SUFU: variants seen among roughly 807,000 people sequenced by gnomAD.
SUFU encodes suppressor of fused homolog.
SUFU carries 7 observed loss-of-function variants against 58.9 expected under a neutral mutation model. The ratio of observed to expected loss-of-function variants is 0.12; its 90% confidence interval spans 0.07 to 0.22. The LOEUF (loss-of-function observed/expected upper bound fraction) is 0.22. Ranked by LOEUF, SUFU falls within the 10% of genes least tolerant of loss-of-function variation. The pLI is 1.00. For synonymous variants in SUFU, 232 were observed against 254.8 expected (o/e 0.91, Z 0.85); for missense variants, 451 against 641.3 (o/e 0.70, Z 3.20).
chr10:102,607,931 G>GAAAGA (rs1337422212), intron 8 of SUFU, among the ~76,000 whole-genome samples: 1 of 147,374 alleles, frequency 6.8e-6, no homozygotes, highest in African/African-American at 2.5e-5. Flanking sequence ...AAAAAGAAAA[G>GAAAGA]AAAGAAAAGA....
At position 102,592,661 on chromosome 10, in the gene SUFU, G is replaced by T. The variant is rs2135866960; in HGVS notation, c.534G>T (p.Leu178=). The T allele has an allele frequency of 6.2e-7, 1 of 1,614,230 alleles. No individual in the cohort carries two copies. The highest frequency in any genetic ancestry group is 1.1e-5 in the South Asian group (1 of 91,084). ...GTGAGTCAAGAATTCAGCACATGCT[G>T]CTGACAGAGGACCCACAGATGCAGC... ...DNSESRIQHM[L]LTEDPQMQPV... Residue 178 remains leucine (L), a synonymous_variant, in exon 4 of 12, where the codon CTG becomes CTT. Transcript: ENST00000369902.
At chr10:102,604,895 G>A (rs10786691) in intron 8 of SUFU, among the ~76,000 whole-genome samples, 66,628 of 145,972 alleles carry the variant, frequency 0.46, 15,434 homozygotes, top group East Asian at 0.68. Flanking sequence ...TTTTACCTTT[G>A]GGATATTCCC....
intron 2 of SUFU, among the ~76,000 whole-genome samples, chr10:102,537,936 C>T (rs567469661): frequency 9.2e-5 from 14 of 152,202 alleles, no homozygotes; most frequent in Non-Finnish European, 1.9e-4. Flanking sequence ...ATTGCTGGAT[C>T]ATGTGGCAAT....
chr10:102,550,820 C>T (rs1019479250), intron 3 of SUFU, among the ~76,000 whole-genome samples: 1 of 150,766 alleles, frequency 6.6e-6, no homozygotes, highest in Admixed American at 6.6e-5. Context: ...CGACTCACTG[C>T]AACCTATGCC....
chr10:102,581,529 C>T (rs1355636842), intron 3 of SUFU, among the ~76,000 whole-genome samples: 1 of 152,202 alleles, frequency 6.6e-6, no homozygotes, highest in African/African-American at 2.4e-5. Flanking sequence ...GTCTTCCAAT[C>T]TCAGAGGAAG....
chr10:102,622,977 G>A (rs2063753692), intron 10 of SUFU, among the ~76,000 whole-genome samples: 1 of 96,398 alleles, frequency 1.0e-5, no homozygotes, highest in Non-Finnish European at 1.9e-5. Flanking sequence ...GAAAACAAGA[G>A]CAAAACTCCG....
chr10:102,514,064 T>A (rs1015510193), intron 2 of SUFU, among the ~76,000 whole-genome samples: 9 of 151,914 alleles, frequency 5.9e-5, no homozygotes, highest in East Asian at 1.9e-4. Context: ...TTTTTTTTTT[T>A]ATTGTTGACA....
chr10:102,549,767 T>C (rs2062892300), intron 2 of SUFU, among the ~76,000 whole-genome samples: 1 of 152,144 alleles, frequency 6.6e-6, no homozygotes, highest in South Asian at 2.1e-4. Context: ...TACCCGCAGC[T>C]GGCAGGAGGA....
chr10:102,617,406 C>A lies in SUFU; in HGVS notation c.1274C>A (p.Ala425Glu). ...GAFATEEHPYAAHGPWLQILL... is the reference protein window; with the variant it reads ...GAFATEEHPYEAHGPWLQILL... Reference sequence around the variant, plus strand: ...TTTGCCACTGAGGAGCATCCTTACGCGGCTCATGGACCCTGGTTACAAGTG... The same window carrying A: ...TTTGCCACTGAGGAGCATCCTTACGAGGCTCATGGACCCTGGTTACAAGTG... Residue 425 changes from alanine to glutamate, a missense_variant, in exon 10 of 12, where the codon GCG (alanine) becomes GAG (glutamate). Physicochemically the swap from Ala to Glu is moderately radical, Grantham distance 107. Coordinates refer to ENST00000369902, the MANE Select transcript of SUFU (RefSeq NM_016169.4). The surrounding 1 kb of genome is among the most constrained non-coding windows in gnomAD (Gnocchi z 4.4). 1 of 1,614,246 alleles carries A rather than the reference C, an allele frequency of 6.2e-7. No individual in the cohort carries two copies. Among genetic ancestry groups the A allele is most frequent in the African/African-American group, 1.3e-5 (1 of 75,062 alleles).
intron 8 of SUFU, among the ~76,000 whole-genome samples, chr10:102,599,951 G>A (rs2063501524): frequency 6.6e-6 from 1 of 152,120 alleles, no homozygotes; most frequent in African/African-American, 2.4e-5. Context: ...CTGCAACCCT[G>A]GGGGCCTCCC....
At chr10:102,502,837 C>T, upstream of SUFU, 1 of 604,742 alleles carries the variant, frequency 1.7e-6, no homozygotes, top group South Asian at 2.0e-5. Flanking sequence ...TTGTTGCCCG[C>T]CTAGTTTAAG....
chr10:102,624,959 A>G (rs1033010714), intron 10 of SUFU, among the ~76,000 whole-genome samples: 2 of 152,210 alleles, frequency 1.3e-5, no homozygotes, highest in African/African-American at 4.8e-5. Flanking sequence ...TTTGTGAGTT[A>G]GAAATTAGCC....
Position 102,629,917 on chromosome 10 carries a change from C to G in SUFU, c.1366-149C>G. 1.3e-6 allele frequency: 1 copy of G among 794,374 alleles called. No individual in the cohort carries two copies. Among genetic ancestry groups the G allele is most frequent in the Admixed American group, 1.7e-5 (1 of 58,064 alleles). 49.2% of individuals were successfully genotyped at this position (794,374 alleles called of 1,614,324 possible). On this transcript the variant is annotated intron_variant, in intron 11 of 11. Transcript: ENST00000369902. The surrounding 1 kb of genome is among the most constrained non-coding windows in gnomAD (Gnocchi z 4.7). The stretch of plus-strand genomic sequence containing the variant: ...CAGCCGTTTGAGCCCAGCCTGCCAC[C>G]TGGGTCTAGCATTTGAGAATGAAGC...
intron 2 of SUFU, among the ~76,000 whole-genome samples, chr10:102,528,699 G>A (rs1214212735): frequency 6.6e-6 from 1 of 152,202 alleles, no homozygotes; most frequent in African/African-American, 2.4e-5. Flanking sequence ...ATTCTCAGCC[G>A]AATCAGTGCT....
In SUFU at chr10:102,630,476, A is replaced by G; in HGVS notation, c.*321A>G. 2.2e-6 allele frequency: 1 copy of G among 464,246 alleles called. No individual in the cohort carries two copies. Among genetic ancestry groups the G allele is most frequent in the Non-Finnish European group, 4.0e-6 (1 of 249,412 alleles). 28.8% of individuals were successfully genotyped at this position (464,246 alleles called of 1,614,324 possible). On this transcript the variant is annotated 3_prime_UTR_variant, in exon 12 of 12. Transcript: ENST00000369902. ...GACTCTGGACCCTGGCTGTGCCCCT[A>G]GGTGGAGACAGCCCTCTTTCTCACC... is the stretch of plus-strand genomic sequence containing the variant.
At chr10:102,606,752 G>T (rs2063565684) in intron 8 of SUFU, among the ~76,000 whole-genome samples, 2 of 152,146 alleles carry the variant, frequency 1.3e-5, no homozygotes, top group Admixed American at 1.3e-4. Context: ...AGACCATTTA[G>T]CTGAGAGAGG....
intron 3 of SUFU, among the ~76,000 whole-genome samples, chr10:102,559,467 A>G (rs1457390105): frequency 3.9e-5 from 6 of 152,202 alleles, no homozygotes; most frequent in African/African-American, 7.2e-5. Flanking sequence ...AGTCACGAGG[A>G]CAGGATGGCT....
At chr10:102,608,805 C>T (rs1294448067) in intron 8 of SUFU, among the ~76,000 whole-genome samples, 1 of 152,156 alleles carries the variant, frequency 6.6e-6, no homozygotes, top group Non-Finnish European at 1.5e-5. Context: ...GTACATTTTC[C>T]CTCTGTCCTC....
chr10:102,586,863 C>T (rs781373197), intron 3 of SUFU, among the ~76,000 whole-genome samples: 19 of 152,184 alleles, frequency 1.2e-4, no homozygotes, highest in African/African-American at 4.6e-4. Flanking sequence ...ACTCCCCACT[C>T]GCTTCTCCCC....
Sources: allele counts gnomAD v4.1 joint callset (sites outside exome capture counted in the v4.1 genomes callset), GRCh38; gene constraint gnomAD v4.1.1; non-coding constraint Gnocchi (gnomAD v3.1); transcripts MANE v1.5; gene names NCBI Gene and HGNC (gene_info 2026-07-23, HGNC 2026-07-21).